The following ERBB4 variants were observed in gnomAD, a reference collection of about 807,000 sequenced individuals.
ERBB4 encodes erb-b2 receptor tyrosine kinase 4.
A neutral mutation model predicts 158.0 loss-of-function variants in ERBB4; 42 were observed. The ratio of observed to expected loss-of-function variants is 0.27; its 90% CI spans 0.21 to 0.34. The LOEUF is 0.34. ERBB4 is among the 10% of genes least tolerant of loss of function. The pLI is 1.00. For missense variants in ERBB4, 1,333 were observed against 1,624.1 expected (o/e 0.82, Z 3.08); for synonymous variants, 583 against 558.7 (o/e 1.04, Z -0.61).
chr2:212,523,891 C>T (rs1240902921), intron 1 of ERBB4, among the ~76,000 whole-genome samples: 2 of 151,950 alleles, frequency 1.3e-5, no homozygotes, highest in African/African-American at 4.8e-5. Flanking sequence ...ACAGACCATT[C>T]CGACTTTGGT....
intron 2 of ERBB4, among the ~76,000 whole-genome samples, chr2:211,977,608 C>T (rs1437534085): frequency 1.4e-5 from 2 of 144,192 alleles, no homozygotes; most frequent in Non-Finnish European, 3.0e-5. Context: ...GAGCCCAAGG[C>T]GGTGAGTCAC....
chr2:212,530,863 AAG>A (rs982480785), intron 1 of ERBB4, among the ~76,000 whole-genome samples: 36 of 152,286 alleles, frequency 2.4e-4, no homozygotes, highest in African/African-American at 7.7e-4. Flanking sequence ...TGGAAAATAA[AAG>A]AGTGTTTATT....
intron 1 of ERBB4, among the ~76,000 whole-genome samples, chr2:212,331,400 C>T (rs1323219713): frequency 6.6e-6 from 1 of 151,416 alleles, no homozygotes; most frequent in Non-Finnish European, 1.5e-5. Context: ...GGGGGAATCT[C>T]GCAAACCAAA....
intron 20 of ERBB4, among the ~76,000 whole-genome samples, chr2:211,505,848 T>G (rs2065733278): frequency 6.6e-6 from 1 of 151,058 alleles, no homozygotes. Context: ...TAATCCCAGC[T>G]ACTCAGGAGG....
intron 1 of ERBB4, among the ~76,000 whole-genome samples, chr2:212,272,651 G>A (rs996706243): frequency 2.6e-5 from 4 of 151,728 alleles, no homozygotes; most frequent in East Asian, 1.9e-4. Flanking sequence ...TGACTGATGC[G>A]CCAGCTTGCA....
intron 4 of ERBB4, among the ~76,000 whole-genome samples, chr2:211,775,177 C>T (rs1384869520): frequency 2.0e-5 from 3 of 152,150 alleles, no homozygotes; most frequent in Non-Finnish European, 4.4e-5. Context: ...AATGAGCTAT[C>T]ACCAGGCTCA....
chr2:212,163,229 T>C (rs1521654), intron 1 of ERBB4, among the ~76,000 whole-genome samples: 2 of 152,008 alleles, frequency 1.3e-5, no homozygotes, highest in East Asian at 1.9e-4. Context: ...GTATATATAC[T>C]TTCTAATCTT....
intron 1 of ERBB4, among the ~76,000 whole-genome samples, chr2:212,378,153 T>C (rs183212432): frequency 2.2e-4 from 33 of 151,914 alleles, no homozygotes; most frequent in Admixed American, 6.6e-4. Flanking sequence ...TAGAAATTGT[T>C]TGGCTCCATT....
At chr2:211,969,033 G>C (rs2081381117) in intron 2 of ERBB4, among the ~76,000 whole-genome samples, 1 of 151,874 alleles carries the variant, frequency 6.6e-6, no homozygotes, top group Admixed American at 6.6e-5. Flanking sequence ...AACAAATAGA[G>C]AATAAGCATT....
At chr2:212,230,578 T>C (rs2083628752) in intron 1 of ERBB4, among the ~76,000 whole-genome samples, 1 of 152,158 alleles carries the variant, frequency 6.6e-6, no homozygotes, top group Admixed American at 6.5e-5. Context: ...ATACAGAAAA[T>C]ATGTACCACA....
chr2:211,524,196 T>G (rs149525391), intron 20 of ERBB4, among the ~76,000 whole-genome samples: 1 of 152,006 alleles, frequency 6.6e-6, no homozygotes, highest in Non-Finnish European at 1.5e-5. Context: ...AGAGTGTCGA[T>G]TGGTGCATTC....
At chr2:212,044,651 AC>A (rs1273258369) in intron 2 of ERBB4, among the ~76,000 whole-genome samples, 4 of 152,104 alleles carry the variant, frequency 2.6e-5, no homozygotes, top group Non-Finnish European at 5.9e-5. Flanking sequence ...TAATCATAAA[AC>A]TTTTGATGTT....
chr2:212,172,300 T>G (rs1350373416), intron 1 of ERBB4, among the ~76,000 whole-genome samples: 1 of 152,126 alleles, frequency 6.6e-6, no homozygotes, highest in East Asian at 1.9e-4. Context: ...AAGGAATGTT[T>G]TTTTTACTGT....
intron 1 of ERBB4, among the ~76,000 whole-genome samples, chr2:212,217,319 A>G (rs570455102): frequency 6.6e-6 from 1 of 151,434 alleles, no homozygotes; most frequent in South Asian, 2.1e-4. Context: ...CACCCACCAA[A>G]GCTTCTTAAC....
intron 1 of ERBB4, among the ~76,000 whole-genome samples, chr2:212,136,044 C>G (rs893421419): frequency 6.6e-6 from 1 of 152,172 alleles, no homozygotes; most frequent in Non-Finnish European, 1.5e-5. Context: ...CTTCAACCAT[C>G]CCCTCGTGTC....
intron 1 of ERBB4, among the ~76,000 whole-genome samples, chr2:212,395,651 C>A (rs961396759): frequency 7.7e-6 from 1 of 130,634 alleles, no homozygotes; most frequent in African/African-American, 2.9e-5. Context: ...GATGGAGTCT[C>A]GCTCTGTCAC....
chr2:212,101,387 T>C (rs2125517658), intron 2 of ERBB4, among the ~76,000 whole-genome samples: 1 of 87,988 alleles, frequency 1.1e-5, no homozygotes, highest in African/African-American at 4.6e-5. Flanking sequence ...TTCAAACTAC[T>C]TTTAACATAG....
At chr2:211,682,050 TCACACACACACACACA>T (rs60803024) in intron 12 of ERBB4, among the ~76,000 whole-genome samples, 2 of 134,398 alleles carry the variant, frequency 1.5e-5, no homozygotes, top group African/African-American at 2.9e-5. Flanking sequence ...TTTATACACA[TCACACACACACACACA>T]CACACACACA....
At chr2:211,567,450 A>G (rs1243485622) in intron 19 of ERBB4, among the ~76,000 whole-genome samples, 1 of 152,192 alleles carries the variant, frequency 6.6e-6, no homozygotes, top group Non-Finnish European at 1.5e-5. Context: ...TGTTTTCAGA[A>G]AAAGTCAAAT....
Sources: gnomAD v4.1 joint callset for allele counts (sites outside exome capture counted in the v4.1 genomes callset) on GRCh38, gnomAD v4.1.1 for gene constraint, MANE v1.5 for transcripts, NCBI Gene and HGNC (gene_info 2026-07-23, HGNC 2026-07-21) for gene names.